PREPL: variants seen among roughly 807,000 people sequenced by gnomAD.
The protein encoded by PREPL is prolyl endopeptidase like.
In PREPL, 77 loss-of-function variants were observed where a neutral mutation model predicts 70.6. The ratio of observed to expected loss-of-function variants is 1.09; its 90% CI spans 0.91 to 1.32. PREPL has a LOEUF of 1.32. PREPL is among the 40% of genes most tolerant of loss of function. The pLI is 0.00. For missense variants in PREPL, 1,002 were observed against 778.2 expected, an observed-to-expected ratio of 1.29 and a Z score of -3.42; for synonymous variants, 315 against 264.8, an observed-to-expected ratio of 1.19 and a Z score of -1.84.
rs146729699 is a variant in PREPL, at chr2:44,359,634, A to C, written c.-49+1746T>G. The C allele has an allele frequency of 4.6e-4, 739 of 1,612,590 alleles. 5 individuals are homozygous for C. Among genetic ancestry groups the C allele is most frequent in the South Asian group, 2.3e-3 (210 of 91,054 alleles). The stretch of plus-strand genomic sequence containing the variant: ...TGATCAGCGAAGTTATAGTGATTCA[A>C]ATGCTGTTTCTGCATGCATTTTCCA... On this transcript the variant is annotated intron_variant, in intron 1 of 13. Transcript: ENST00000409411.
intron 4 of PREPL, 28 bp from the exon 5 acceptor site, chr2:44,342,580 C>T (rs1442327253): frequency 1.4e-6 from 2 of 1,415,618 alleles, no homozygotes; most frequent in South Asian, 1.3e-5. Context: ...GATAATTATA[C>T]ATAATCACCT....
At chr2:44,344,105 C>T (rs1675520730) in intron 3 of PREPL, among the ~76,000 whole-genome samples, 154 bp from the exon 4 acceptor site, 1 of 152,156 alleles carries the variant, frequency 6.6e-6, no homozygotes, top group Non-Finnish European at 1.5e-5. Flanking sequence ...TGCACATCAA[C>T]TGACAATAAG....
upstream of PREPL, chr2:44,361,838 C>T: frequency 2.4e-6 from 3 of 1,269,798 alleles, no homozygotes; most frequent in South Asian, 4.2e-5. Flanking sequence ...GCCCTGGTTG[C>T]CAAGGAGATG....
intron 3 of PREPL, 120 bp downstream of exon 3, chr2:44,344,400 A>G: frequency 1.2e-6 from 1 of 831,074 alleles, no homozygotes; most frequent in South Asian, 2.2e-5. Flanking sequence ...GTCATTAAAA[A>G]AAAATTCAGA....
At chr2:44,332,891 G>A (rs1343258529) in intron 7 of PREPL, among the ~76,000 whole-genome samples, 1 of 152,134 alleles carries the variant, frequency 6.6e-6, no homozygotes, top group Admixed American at 6.6e-5. Flanking sequence ...GATTTATCAT[G>A]ATTCTAGCTT....
At position 44,339,175 on chromosome 2, in the gene PREPL, G is replaced by A. The variant is rs1674954437; in HGVS notation, c.674C>T (p.Thr225Ile). 2.5e-6 allele frequency: 4 copies of A among 1,614,004 alleles called. No homozygotes were observed. The highest frequency in any genetic ancestry group is 3.4e-6 in the Non-Finnish European group (4 of 1,179,920). The change falls in exon 6 of 14, where the codon ACT (threonine) becomes ATT (isoleucine). Residue 225 changes from threonine (T) to isoleucine (I), a missense_variant. Transcript: ENST00000409411. ...AAATTCTGTAGGTTCTCCAACATTA[G>A]TGAGAATGTATAATTCATCATCTCT... ...EHRDDELYIL[T>I]NVGEPTEFKL... is the part of the protein sequence containing the mutation.
chr2:44,318,406 T>G lies in PREPL; in HGVS notation c.*2950A>C, dbSNP rs112025852. 0.016 allele frequency: 2,945 copies of G among 181,382 alleles called. 111 individuals are homozygous for G. The highest frequency in any genetic ancestry group is 0.067 in the African/African-American group (2,813 of 41,836). The allele number at this position is 181,382 out of a possible 1,614,324, so 11.2% of individuals were successfully genotyped here. A position where few individuals can be genotyped will look rare whatever the true frequency, so the allele number is the denominator to read the frequency against. ...TTGCCTGGCCTGCAAAATTTGTTTTTAATAGAAGACACAAGAAATGATTTA... is the reference window on the plus strand; with the variant it reads ...TTGCCTGGCCTGCAAAATTTGTTTTGAATAGAAGACACAAGAAATGATTTA... On this transcript the variant is annotated 3_prime_UTR_variant, in exon 14 of 14. Coordinates refer to ENST00000409411, the MANE Select transcript of PREPL (RefSeq NM_001171613.2).
chr2:44,342,788 C>G (rs1675371506), intron 4 of PREPL, among the ~76,000 whole-genome samples: 1 of 152,106 alleles, frequency 6.6e-6, no homozygotes, highest in African/African-American at 2.4e-5. Context: ...TCTCAGGGTA[C>G]TCAGGTTTCT....
At position 44,339,383 on chromosome 2, in the gene PREPL, C is replaced by G. The variant is rs1484183398; in HGVS notation, c.486-20G>C. The G allele has an allele frequency of 1.2e-6, 2 of 1,604,882 alleles. No individual in the cohort carries two copies. The highest frequency in any genetic ancestry group is 1.1e-5 in the South Asian group (1 of 89,972). The stretch of plus-strand genomic sequence containing the variant: ...AAGTAGCTAGAGAGAGAGAGAGAGA[C>G]ATGAGATCACAGTTTATTTCAGATG... On this transcript the variant is annotated intron_variant, in intron 5 of 13. Coordinates refer to ENST00000409411, the MANE Select transcript of PREPL (RefSeq NM_001171613.2).
At position 44,346,301 on chromosome 2, in the gene PREPL, C is replaced by T. The variant is rs753262547; in HGVS notation, c.42G>A (p.Gln14=). 3.7e-6 allele frequency: 6 copies of T among 1,612,596 alleles called. No individual in the cohort carries two copies. Among genetic ancestry groups the T allele is most frequent in the Non-Finnish European group, 5.1e-6 (6 of 1,179,268 alleles). ...TGATGATTTCATATTCTTCTTGTGG[C>T]TGTGTTTCTAATTTTGTTCTCACTT... ...FEKVRTKLET[Q]PQEEYEIINV... The change falls in exon 2 of 14, where the codon CAG becomes CAA. Residue 14 remains glutamine, a synonymous_variant. Coordinates refer to ENST00000409411, the MANE Select transcript of PREPL (RefSeq NM_001171613.2).
intron 5 of PREPL, among the ~76,000 whole-genome samples, chr2:44,340,032 A>T (rs1211344808): frequency 2.0e-5 from 3 of 152,112 alleles, no homozygotes; most frequent in Non-Finnish European, 4.4e-5. Flanking sequence ...GTCTTTAAAT[A>T]GATGTAATTA....
At chr2:44,346,174 T>C (rs150249032) in intron 2 of PREPL, 94 bp downstream of exon 2, 2 of 1,206,860 alleles carry the variant, frequency 1.7e-6, no homozygotes, top group Non-Finnish European at 2.3e-6. Flanking sequence ...AGTATAATCT[T>C]GATGTGGACT....
At chr2:44,328,889 C>G (rs1256526846) in intron 9 of PREPL, 48 bp downstream of exon 9, 3 of 1,501,440 alleles carry the variant, frequency 2.0e-6, no homozygotes, top group Non-Finnish European at 1.8e-6. Flanking sequence ...CTTGACATCT[C>G]TCACAATGGT....
rs771937635 is a variant in PREPL, at chr2:44,321,848, T to C, written c.1806A>G (p.Val602=). 13 of 1,613,656 alleles carry C rather than the reference T, an allele frequency of 8.1e-6. No homozygotes were observed. In the African/African-American group the frequency reaches 1.7e-4, roughly 22 times the overall value. The change falls in exon 13 of 14, where the codon GTA becomes GTG. Residue 602 remains valine (V), a synonymous_variant. Coordinates refer to ENST00000409411, the MANE Select transcript of PREPL (RefSeq NM_001171613.2). ...ATACCTTTTTGTGAGAATCCTCAAT[T>C]ACATGATTGCCTCCAGGCTGAATAT... ...ILDIQPGGNH[V]IEDSHKKITA...
intron 1 of PREPL, among the ~76,000 whole-genome samples, chr2:44,347,970 C>T (rs1003101751): frequency 4.6e-5 from 7 of 152,098 alleles, no homozygotes; most frequent in African/African-American, 1.7e-4. Flanking sequence ...TTTTGGGACA[C>T]ATTATTATTT....
rs151054542 is a variant in PREPL at position 44,336,671 on chromosome 2, G to A, written c.888+1680C>T. 7.2e-3 allele frequency among the ~76,000 whole-genome samples: 1,092 copies of A among 151,848 alleles called. 3 individuals carry two copies. Among genetic ancestry groups the A allele is most frequent in the Non-Finnish European group, 0.012 (784 of 67,914 alleles). On this transcript the variant is annotated intron_variant, in intron 7 of 13. Transcript: ENST00000409411. ...TAAACCAACCTGCACATGTACCCCT[G>A]AAAGTAAAAGTTAAAAAAAAAGAAA...
chr2:44,334,488 G>C (rs4953087), intron 7 of PREPL, among the ~76,000 whole-genome samples: 9 of 152,018 alleles, frequency 5.9e-5, no homozygotes, highest in South Asian at 2.1e-4. Context: ...TGATGGCATG[G>C]TGACCAAGGA....
intron 12 of PREPL, among the ~76,000 whole-genome samples, chr2:44,322,199 G>C (rs1196990677): frequency 6.6e-6 from 1 of 152,114 alleles, no homozygotes; most frequent in South Asian, 2.1e-4. Context: ...TTATGCCCTG[G>C]AAACACCAAC....
At chr2:44,346,425 A>G in intron 1 of PREPL, 35 bp from the exon 2 acceptor site, 1 of 1,598,418 alleles carries the variant, frequency 6.3e-7, no homozygotes, top group Non-Finnish European at 8.5e-7. Context: ...AAATATTTCA[A>G]ACTAGGGAAA....
Sources: gnomAD v4.1 joint callset for allele counts (sites outside exome capture counted in the v4.1 genomes callset) on GRCh38, gnomAD v4.1.1 for gene constraint, MANE v1.5 for transcripts, NCBI Gene and HGNC (gene_info 2026-07-23, HGNC 2026-07-21) for gene names.